Variants in KALRN observed in about 807,000 individuals in gnomAD.
The protein encoded by KALRN is kalirin.
In KALRN, 70 loss-of-function variants were observed where a neutral mutation model predicts 353.7. The ratio of observed to expected loss-of-function variants is 0.20; its 90% CI spans 0.16 to 0.24. KALRN has a LOEUF of 0.24. Ranked by LOEUF, KALRN falls within the 10% of genes least tolerant of loss-of-function variation. KALRN has a pLI of 1.00. For synonymous variants in KALRN, 1,391 were observed against 1,434.8 expected, an observed-to-expected ratio of 0.97 and a Z score of 0.69; for missense variants, 2,791 against 3,756.7, an observed-to-expected ratio of 0.74 and a Z score of 6.72.
intron 8 of KALRN, among the ~76,000 whole-genome samples, chr3:124,330,299 G>T (rs2080413268): frequency 7.3e-6 from 1 of 137,696 alleles, no homozygotes; most frequent in East Asian, 2.1e-4. Flanking sequence ...CCATACACCT[G>T]CCTCATCCTG....
At chr3:124,231,501 C>A (rs1296225311) in intron 2 of KALRN, among the ~76,000 whole-genome samples, 5 of 152,260 alleles carry the variant, frequency 3.3e-5, no homozygotes, top group African/African-American at 1.2e-4. Flanking sequence ...GTTGCTGTGG[C>A]ACAATCTTTC....
At chr3:124,122,585 A>G (rs2064152152) in intron 1 of KALRN, among the ~76,000 whole-genome samples, 2 of 152,114 alleles carry the variant, frequency 1.3e-5, no homozygotes, top group Admixed American at 1.3e-4. Context: ...AAACTGTTTC[A>G]TTATTATTAT....
At chr3:124,140,913 T>C (rs916991431) in intron 1 of KALRN, among the ~76,000 whole-genome samples, 3 of 152,210 alleles carry the variant, frequency 2.0e-5, no homozygotes, top group African/African-American at 7.2e-5. Context: ...ATTATTTCAT[T>C]TGGATATCTT....
At chr3:124,533,390 C>G (rs1169291365) in intron 33 of KALRN, among the ~76,000 whole-genome samples, 1 of 152,080 alleles carries the variant, frequency 6.6e-6, no homozygotes, top group Non-Finnish European at 1.5e-5. Flanking sequence ...GTCTATAGTC[C>G]TAGCACTTTG....
At chr3:124,040,997 T>C (rs1296368455) in intron 1 of KALRN, among the ~76,000 whole-genome samples, 2 of 152,230 alleles carry the variant, frequency 1.3e-5, no homozygotes, top group African/African-American at 4.8e-5. Context: ...CATTCATTCA[T>C]TTAATCATTT....
intron 1 of KALRN, among the ~76,000 whole-genome samples, chr3:124,104,304 A>G (rs2062107860): frequency 6.6e-6 from 1 of 152,224 alleles, no homozygotes; most frequent in Non-Finnish European, 1.5e-5. Flanking sequence ...GCTAAAGAAG[A>G]CAGTCTTCTT....
chr3:124,190,894 T>C (rs1363838075), intron 1 of KALRN, among the ~76,000 whole-genome samples: 1 of 152,196 alleles, frequency 6.6e-6, no homozygotes, highest in Non-Finnish European at 1.5e-5. Flanking sequence ...ATTAAGGGCT[T>C]AGTCCCTAAG....
At chr3:124,566,751 C>T (rs904941997) in intron 34 of KALRN, among the ~76,000 whole-genome samples, 1 of 152,182 alleles carries the variant, frequency 6.6e-6, no homozygotes, top group Non-Finnish European at 1.5e-5. Flanking sequence ...AATTTGTCTC[C>T]AGTGGGTGCT....
chr3:124,573,788 G>A (rs530223905), intron 34 of KALRN, among the ~76,000 whole-genome samples: 12 of 152,264 alleles, frequency 7.9e-5, no homozygotes, highest in African/African-American at 2.9e-4. Context: ...ATCTGGCTCC[G>A]TGATTTCCCA....
intron 1 of KALRN, among the ~76,000 whole-genome samples, chr3:124,172,317 T>G (rs2071962889): frequency 6.6e-6 from 1 of 152,140 alleles, no homozygotes; most frequent in Non-Finnish European, 1.5e-5. Flanking sequence ...TACTCTGTCA[T>G]GATTGTTGTG....
chr3:124,524,112 C>G (rs2067382595), intron 33 of KALRN, among the ~76,000 whole-genome samples: 1 of 152,184 alleles, frequency 6.6e-6, no homozygotes, highest in South Asian at 2.1e-4. Context: ...GAACCACTCC[C>G]TAAATCACAT....
intron 32 of KALRN, among the ~76,000 whole-genome samples, chr3:124,495,994 T>C (rs1219535996): frequency 1.0e-4 from 6 of 57,496 alleles, no homozygotes; most frequent in African/African-American, 4.1e-4. Flanking sequence ...TATATATATA[T>C]ATATATATAT....
chr3:124,685,930 A>AC (rs1578945040), intron 51 of KALRN, among the ~76,000 whole-genome samples: 1 of 151,256 alleles, frequency 6.6e-6, no homozygotes, highest in Non-Finnish European at 1.5e-5. Flanking sequence ...AAAGACCATC[A>AC]CCCCCCAACC....
chr3:124,623,456 G>A (rs1298240355), intron 34 of KALRN, among the ~76,000 whole-genome samples: 3 of 141,580 alleles, frequency 2.1e-5, no homozygotes, highest in Non-Finnish European at 4.6e-5. Context: ...TCACATGATC[G>A]CAAGGTCCCA....
intron 40 of KALRN, 49 bp downstream of exon 40, chr3:124,657,600 C>T (rs746632066): frequency 6.8e-7 from 1 of 1,466,178 alleles, no homozygotes; most frequent in Non-Finnish European, 9.6e-7. Flanking sequence ...GAATCCAGGA[C>T]TTGAGTCCTC....
At chr3:124,656,455 A>G (rs1381960254) in intron 39 of KALRN, among the ~76,000 whole-genome samples, 2 of 151,898 alleles carry the variant, frequency 1.3e-5, no homozygotes, top group Admixed American at 6.6e-5. Flanking sequence ...CTAAAAATAC[A>G]AAAAAATTAG....
At chr3:124,494,454 A>G (rs1412198965) in intron 32 of KALRN, among the ~76,000 whole-genome samples, 2 of 152,224 alleles carry the variant, frequency 1.3e-5, no homozygotes, top group Non-Finnish European at 2.9e-5. Context: ...TCAACTGTCT[A>G]CACATGGTGG....
intron 16 of KALRN, among the ~76,000 whole-genome samples, chr3:124,432,882 G>A (rs1041086840): frequency 2.6e-5 from 4 of 152,198 alleles, no homozygotes; most frequent in Non-Finnish European, 5.9e-5. Flanking sequence ...TCTCGAGAGG[G>A]CATGGCAGAG....
chr3:124,331,535 A>G (rs1418209531), intron 8 of KALRN, among the ~76,000 whole-genome samples: 5 of 152,234 alleles, frequency 3.3e-5, no homozygotes, highest in Non-Finnish European at 7.3e-5. Context: ...TGAATACTAA[A>G]AAATGGTAAT....
Sources: gnomAD v4.1 joint callset for allele counts (sites outside exome capture counted in the v4.1 genomes callset) on GRCh38, gnomAD v4.1.1 for gene constraint, MANE v1.5 for transcripts, NCBI Gene and HGNC (gene_info 2026-07-23, HGNC 2026-07-21) for gene names.